Variants in RNF180 observed in about 807,000 individuals in gnomAD.
The protein encoded by RNF180 is E3 ubiquitin-protein ligase RNF180.
Under a neutral mutation model 59.2 loss-of-function variants are expected in RNF180, and 38 were observed. That is an observed-to-expected ratio of 0.64 (90% CI 0.50 to 0.84). RNF180 has a LOEUF of 0.84. RNF180 is among the 40% of genes least tolerant of loss of function. The probability of loss-of-function intolerance (pLI) is 0.00; values close to 1 mark genes in which losing one functional copy is unlikely to be tolerated. For missense variants in RNF180, 705 were observed against 700.9 expected (o/e 1.01, Z -0.07); for synonymous variants, 262 against 240.3 (o/e 1.09, Z -0.84).
At chr5:64,192,187 A>G (rs59361761) in intron 1 of RNF180, among the ~76,000 whole-genome samples, 43,754 of 150,948 alleles carry the variant, frequency 0.29, 6,604 homozygotes, top group African/African-American at 0.36. Flanking sequence ...AAGAAGACAT[A>G]CAAATGGCCA....
intron 5 of RNF180, among the ~76,000 whole-genome samples, chr5:64,251,654 CA>C (rs1743585718): frequency 6.6e-6 from 1 of 152,120 alleles, no homozygotes; most frequent in African/African-American, 2.4e-5. Context: ...TGGCCTCAGG[CA>C]ATCTTCCCAC....
At chr5:64,330,218 T>A in intron 6 of RNF180, 63 bp from the exon 7 acceptor site, 1 of 1,130,876 alleles carries the variant, frequency 8.8e-7, no homozygotes, top group Non-Finnish European at 1.3e-6. Context: ...TATTCACTTG[T>A]CATTTTCTTG....
chr5:64,185,506 C>T (rs1286319382), intron 1 of RNF180, among the ~76,000 whole-genome samples: 2 of 152,080 alleles, frequency 1.3e-5, no homozygotes, highest in African/African-American at 2.4e-5. Context: ...GTATGTAAAT[C>T]ATAATTTAGT....
intron 7 of RNF180, among the ~76,000 whole-genome samples, chr5:64,346,622 G>A (rs1026504140): frequency 1.3e-5 from 2 of 151,674 alleles, no homozygotes; most frequent in East Asian, 1.9e-4. Flanking sequence ...CACCCGCCTC[G>A]GCCTCCCAAA....
chr5:64,187,327 C>T (rs1750920663), intron 1 of RNF180, among the ~76,000 whole-genome samples: 1 of 152,116 alleles, frequency 6.6e-6, no homozygotes, highest in Non-Finnish European at 1.5e-5. Context: ...ATGCATTGCA[C>T]TCTGCCTAAC....
At chr5:64,201,196 G>A (rs1751726380) in intron 2 of RNF180, among the ~76,000 whole-genome samples, 1 of 152,116 alleles carries the variant, frequency 6.6e-6, no homozygotes, top group Admixed American at 6.5e-5. Context: ...AATGTTTTAA[G>A]TGCAATGTTA....
chr5:64,321,115 G>C (rs1019731848), intron 5 of RNF180, among the ~76,000 whole-genome samples: 4 of 152,086 alleles, frequency 2.6e-5, no homozygotes, highest in African/African-American at 9.7e-5. Context: ...ACAAGACAAG[G>C]ATGCCCTCCT....
At chr5:64,355,976 A>G (rs974563762) in intron 7 of RNF180, among the ~76,000 whole-genome samples, 61 of 151,922 alleles carry the variant, frequency 4.0e-4, no homozygotes, top group African/African-American at 1.3e-3. Flanking sequence ...TATGACATCA[A>G]AATCACAAGC....
chr5:64,175,293 T>A (rs1046758694), intron 1 of RNF180, among the ~76,000 whole-genome samples: 7 of 152,220 alleles, frequency 4.6e-5, no homozygotes, highest in African/African-American at 1.7e-4. Context: ...GAGGTGATTT[T>A]TTTTCATATG....
At position 64,214,071 on chromosome 5, in the gene RNF180, C is replaced by G. The variant is rs147584975; in HGVS notation, c.745C>G (p.His249Asp). 1.9e-6 allele frequency: 3 copies of G among 1,613,694 alleles called. 1 individual carries two copies. In the African/African-American group the frequency reaches 4.0e-5, roughly 22 times the overall value. ...TTTATTACCCACTTTATATGAAATA[C>G]ATAGTAAGACTACTGCCTATTCCAG... is the stretch of plus-strand genomic sequence containing the variant. Reference protein sequence around the residue: ...LTLLPTLYEIHSKTTAYSRLN... With the variant: ...LTLLPTLYEIDSKTTAYSRLN... Residue 249 changes from histidine (H) to aspartate (D), a missense_variant, in exon 4 of 8, where the codon CAT becomes GAT. His to Asp is a moderately conservative substitution (Grantham distance 81, BLOSUM62 -1). Coordinates refer to ENST00000389100, the MANE Select transcript of RNF180 (RefSeq NM_001113561.2).
Position 64,213,982 on chromosome 5 carries a change from G to A in RNF180, c.656G>A (p.Cys219Tyr). The A allele has an allele frequency of 1.2e-6, 2 of 1,614,016 alleles. No individual in the cohort carries two copies. The highest frequency in any genetic ancestry group is 1.7e-6 in the Non-Finnish European group (2 of 1,179,908). ...LFVPQLVTGR[C>Y]ATRAFHRKSH... is the part of the protein sequence containing the mutation. ...GTTCCCCAGCTTGTGACTGGCAGAT[G>A]CGCTACAAGAGCTTTTCATAGAAAA... The change falls in exon 4 of 8, where the codon TGC becomes TAC. Residue 219 changes from cysteine (C) to tyrosine (Y), a missense_variant. Cys to Tyr is a radical substitution (Grantham distance 194, BLOSUM62 -2). Transcript: ENST00000389100.
At chr5:64,224,578 T>C (rs1580051088) in intron 5 of RNF180, among the ~76,000 whole-genome samples, 1 of 151,924 alleles carries the variant, frequency 6.6e-6, no homozygotes, top group Admixed American at 6.6e-5. Context: ...CAGTGGGAGG[T>C]ATTTTACTTG....
intron 5 of RNF180, among the ~76,000 whole-genome samples, chr5:64,282,277 G>A (rs1742050874): frequency 6.6e-6 from 1 of 152,076 alleles, no homozygotes; most frequent in Non-Finnish European, 1.5e-5. Flanking sequence ...TCATTCTTGG[G>A]AGGTTGTATG....
At chr5:64,216,955 C>T (rs1487936299) in intron 4 of RNF180, among the ~76,000 whole-genome samples, 1 of 152,120 alleles carries the variant, frequency 6.6e-6, no homozygotes, top group African/African-American at 2.4e-5. Flanking sequence ...ATTTTGATCA[C>T]TCTCAAAACT....
intron 5 of RNF180, among the ~76,000 whole-genome samples, chr5:64,311,107 T>C (rs926258889): frequency 6.6e-6 from 1 of 151,794 alleles, no homozygotes; most frequent in African/African-American, 2.4e-5. Context: ...CCAAACTCTT[T>C]AGGAGGCCTA....
At chr5:64,172,802 G>C (rs1247123613) in intron 1 of RNF180, among the ~76,000 whole-genome samples, 1 of 152,148 alleles carries the variant, frequency 6.6e-6, no homozygotes, top group African/African-American at 2.4e-5. Context: ...AGAAGTAGGA[G>C]GGGGCTTCAG....
intron 7 of RNF180, among the ~76,000 whole-genome samples, chr5:64,350,258 G>A (rs1461124898): frequency 6.6e-6 from 1 of 152,040 alleles, no homozygotes; most frequent in East Asian, 1.9e-4. Flanking sequence ...CTTTGTGATG[G>A]GGTTGTTTTT....
chr5:64,226,676 AAAG>A (rs1741780716), intron 5 of RNF180, among the ~76,000 whole-genome samples: 1 of 152,226 alleles, frequency 6.6e-6, no homozygotes. Context: ...AAAAAAAAAA[AAAG>A]AAAAAATTTT....
chr5:64,188,118 C>T (rs890769122), intron 1 of RNF180, among the ~76,000 whole-genome samples: 11 of 152,084 alleles, frequency 7.2e-5, no homozygotes, highest in African/African-American at 2.7e-4. Flanking sequence ...ATCTGTGCAG[C>T]TCATCTGACA....
Sources: gnomAD v4.1 joint callset for allele counts (sites outside exome capture counted in the v4.1 genomes callset) on GRCh38, gnomAD v4.1.1 for gene constraint, MANE v1.5 for transcripts, NCBI Gene and HGNC (gene_info 2026-07-23, HGNC 2026-07-21) for gene names.